HELB: variants seen among roughly 807,000 people sequenced by gnomAD.
The protein encoded by HELB is DNA 5'-3' helicase B.
In HELB, 96 loss-of-function variants were observed where a neutral mutation model predicts 101.7. That is an observed-to-expected ratio of 0.94 (90% CI 0.80 to 1.12). The LOEUF (loss-of-function observed/expected upper bound fraction) is 1.12. HELB is among the 50% of genes most tolerant of loss of function. The probability of loss-of-function intolerance (pLI) is 0.00; values close to 1 mark genes in which losing one functional copy is unlikely to be tolerated. For synonymous variants in HELB, 437 were observed against 459.7 expected (o/e 0.95, Z 0.63); for missense variants, 1,210 against 1,291.9 (o/e 0.94, Z 0.97).
Position 66,314,159 on chromosome 12 carries a change from C to G in HELB, c.1854C>G (p.Ile618Met), listed in dbSNP as rs777947796. ...ACTCCAAACTTTCTAAGCTTATTAT[C>G]CTTGGTAAGTTAAAATATTGTTGGA... is the stretch of plus-strand genomic sequence containing the variant. ...CEHSKLSKLIILGDIRQLPSI... is the reference protein window; with the variant it reads ...CEHSKLSKLIMLGDIRQLPSI... The change falls in exon 5 of 13, where the codon ATC (isoleucine) becomes ATG (methionine). Residue 618 changes from isoleucine (I) to methionine (M), a missense_variant. Physicochemically the swap from Ile to Met is conservative, Grantham distance 10. Around this residue, in one of 2 missense-constraint regions of HELB, gnomAD observed 740 missense variants for 728.8 expected, o/e 1.02. Transcript: ENST00000247815. The G allele has an allele frequency of 1.9e-6, 3 of 1,610,756 alleles. No homozygotes were observed. The African/African-American group carries it at 4.0e-5, about 22-fold the overall frequency.
chr12:66,302,902 A>T, intron 1 of HELB, 112 bp downstream of exon 1: 2 of 901,406 alleles, frequency 2.2e-6, no homozygotes. Flanking sequence ...TTAGCTTATC[A>T]GTGGTCTAGC....
chr12:66,307,520 G>A (rs1041553147), intron 3 of HELB, among the ~76,000 whole-genome samples: 3 of 152,146 alleles, frequency 2.0e-5, no homozygotes, highest in African/African-American at 7.2e-5. Flanking sequence ...TACACATTGT[G>A]TTAGGCTAAT....
intron 11 of HELB, among the ~76,000 whole-genome samples, chr12:66,330,090 A>G (rs776128393): frequency 1.3e-5 from 2 of 152,088 alleles, no homozygotes; most frequent in African/African-American, 4.8e-5. Flanking sequence ...TCTTCCCACA[A>G]TTTTTCCTTT....
At chr12:66,311,261 G>A (rs950196116) in intron 4 of HELB, among the ~76,000 whole-genome samples, 2 of 151,884 alleles carry the variant, frequency 1.3e-5, no homozygotes, top group African/African-American at 4.8e-5. Flanking sequence ...AGGAGTTTGA[G>A]ACTTGCCTGG....
chr12:66,338,202 G>A (rs2053887759), downstream of HELB: 2 of 706,528 alleles, frequency 2.8e-6, no homozygotes, highest in Admixed American at 2.6e-5. Flanking sequence ...TCCTATAACT[G>A]GAGTTTTAAG....
At chr12:66,329,460 G>C (rs967463126) in intron 11 of HELB, among the ~76,000 whole-genome samples, 7 of 152,134 alleles carry the variant, frequency 4.6e-5, no homozygotes, top group African/African-American at 7.2e-5. Flanking sequence ...GAGGAATGCT[G>C]ACAGGACCTG....
rs1370841728 is a variant in HELB at position 66,310,056 on chromosome 12, G to A, written c.1128G>A (p.Trp376Ter). ...GTGACCTGATGAAGAAACCTCCTTG[G>A]CATTTATGTGTCGATGTCGAAAAGG... ...SICDLMKKPP[W>*]HLCVDVEKVL... is the part of the protein sequence containing the mutation. Residue 376 changes from tryptophan to a stop codon, truncating the protein, a stop_gained, in exon 4 of 13, where the codon TGG (tryptophan) becomes TGA (stop). Coordinates refer to ENST00000247815, the MANE Select transcript of HELB (RefSeq NM_001370285.1). LOFTEE classifies it high-confidence loss of function. 7 of 1,614,114 alleles carry A rather than the reference G, an allele frequency of 4.3e-6. No homozygotes were observed. The highest frequency in any genetic ancestry group is 5.1e-6 in the Non-Finnish European group (6 of 1,180,028).
In HELB at chr12:66,305,077, A is replaced by C; in HGVS notation, c.534A>C (p.Gln178His). Residue 178 changes from glutamine to histidine, a missense_variant, in exon 2 of 13, where the codon CAA becomes CAC. Gln to His is a conservative substitution (Grantham distance 24, BLOSUM62 0). This residue lies in a region of HELB where 470 missense variants were observed against 563.1 expected (regional missense o/e 0.83). Coordinates refer to ENST00000247815, the MANE Select transcript of HELB (RefSeq NM_001370285.1). Reference sequence around the variant, plus strand: ...ACAAGGAAACTGGAAGGAAAGATCAAAAGCAGCCTACACAGAATGGTCAGG... The same window carrying C: ...ACAAGGAAACTGGAAGGAAAGATCACAAGCAGCCTACACAGAATGGTCAGG... Reference protein sequence around the residue: ...TFHKETGRKDQKQPTQNGQEE... With the variant: ...TFHKETGRKDHKQPTQNGQEE... 6.2e-7 allele frequency: 1 copy of C among 1,610,978 alleles called. No homozygotes were observed. The highest frequency in any genetic ancestry group is 8.5e-7 in the Non-Finnish European group (1 of 1,178,898).
At chr12:66,321,029 T>C (rs974793445) in intron 7 of HELB, among the ~76,000 whole-genome samples, 1 of 152,136 alleles carries the variant, frequency 6.6e-6, no homozygotes, top group African/African-American at 2.4e-5. Flanking sequence ...GAGGGTGAGC[T>C]GAGTCTTGGC....
intron 12 of HELB, among the ~76,000 whole-genome samples, chr12:66,334,757 C>G (rs549369634): frequency 6.6e-6 from 1 of 151,522 alleles, no homozygotes; most frequent in African/African-American, 2.4e-5. Flanking sequence ...CCAGCCTGGG[C>G]GACAGAATGA....
intron 11 of HELB, among the ~76,000 whole-genome samples, chr12:66,328,841 C>T (rs989131322): frequency 6.6e-6 from 1 of 152,078 alleles, no homozygotes; most frequent in Non-Finnish European, 1.5e-5. Context: ...AAGTAAAATA[C>T]AGGTATATTA....
chr12:66,341,164 A>T (rs974543061), downstream of HELB: 1 of 152,324 alleles, frequency 6.6e-6, no homozygotes, highest in African/African-American at 2.4e-5. Context: ...CCAAAGGCCC[A>T]GGAGCCTCTG....
chr12:66,316,002 G>A (rs901785198), intron 6 of HELB, among the ~76,000 whole-genome samples: 1 of 151,966 alleles, frequency 6.6e-6, no homozygotes, highest in African/African-American at 2.4e-5. Context: ...ATAATGTTTG[G>A]TCAACAACAG....
chr12:66,306,577 ATT>A, intron 3 of HELB, 63 bp downstream of exon 3: 1 of 1,274,098 alleles, frequency 7.8e-7, no homozygotes, highest in Non-Finnish European at 1.0e-6. Context: ...AGATTTGGCA[ATT>A]TTCCTTTCTC....
At position 66,321,933 on chromosome 12, in the gene HELB, C is replaced by T; in HGVS notation, c.2156-15C>T. 1.0e-6 allele frequency: 1 copy of T among 957,070 alleles called. No homozygotes were observed. Among genetic ancestry groups the T allele is most frequent in the East Asian group, 2.7e-5 (1 of 37,016 alleles). The allele number at this position is 957,070 out of a possible 1,614,324, so 59.3% of individuals were successfully genotyped here. On this transcript the variant is annotated splice_polypyrimidine_tract_variant and intron_variant, in intron 7 of 12. Coordinates refer to ENST00000247815, the MANE Select transcript of HELB (RefSeq NM_001370285.1). ...GGTGATTTGCTGTGTTAACTTTTTT[C>T]TCTTGAATTATTAGGTTTATATTCT... is the stretch of plus-strand genomic sequence containing the variant.
intron 5 of HELB, among the ~76,000 whole-genome samples, 170 bp downstream of exon 5, chr12:66,314,333 G>T (rs924017277): frequency 3.3e-5 from 5 of 152,116 alleles, no homozygotes; most frequent in African/African-American, 1.2e-4. Context: ...AGCTTGGGTT[G>T]TTTTGTTTTG....
Position 66,304,862 on chromosome 12 carries a change from C to T in HELB, c.319C>T (p.Gln107Ter), listed in dbSNP as rs1402239603. Residue 107 changes from glutamine (Q) to a stop codon, truncating the protein, a stop_gained, in exon 2 of 13, where the codon CAA becomes TAA. Coordinates refer to ENST00000247815, the MANE Select transcript of HELB (RefSeq NM_001370285.1). LOFTEE classifies it high-confidence loss of function. The part of the protein sequence containing the change: ...VGSRSYQYQV[Q>*]GFPSYFLQSD... ...ATCAAGGAGCTATCAATATCAAGTT[C>T]AAGGATTTCCGTCTTACTTTTTGCA... 6.2e-7 allele frequency: 1 copy of T among 1,614,094 alleles called. No homozygotes were observed. The highest frequency in any genetic ancestry group is 2.2e-5 in the East Asian group (1 of 44,862).
intron 7 of HELB, 29 bp from the exon 8 acceptor site, chr12:66,321,917 CTG>C (rs1373135164): frequency 1.2e-6 from 1 of 801,014 alleles, no homozygotes; most frequent in African/African-American, 1.7e-5. Context: ...TGGTGATTTG[CTG>C]TGTTAACTTT....
intron 5 of HELB, 61 bp downstream of exon 5, chr12:66,314,224 G>A (rs2053576003): frequency 7.0e-7 from 1 of 1,429,872 alleles, no homozygotes; most frequent in South Asian, 1.3e-5. Flanking sequence ...TTAGTTGGTT[G>A]TTTACACCAT....
Sources: gnomAD v4.1 joint callset for allele counts (sites outside exome capture counted in the v4.1 genomes callset) on GRCh38, gnomAD v4.1.1 for gene constraint, gnomAD v4.1.1 regional missense constraint, MANE v1.5 for transcripts, NCBI Gene and HGNC (gene_info 2026-07-23, HGNC 2026-07-21) for gene names.